Variants in WDR70 observed in about 807,000 individuals in gnomAD.
The protein encoded by WDR70 is WD repeat domain 70, also known as WD repeat-containing protein 70.
In WDR70, 53 loss-of-function variants were observed where a neutral mutation model predicts 88.6. The ratio of observed to expected loss-of-function variants is 0.60; its 90% confidence interval spans 0.48 to 0.75. The LOEUF is 0.75. Ranked by LOEUF, WDR70 falls within the 30% of genes least tolerant of loss-of-function variation. WDR70 has a pLI of 0.00. For missense variants in WDR70, 610 were observed against 823.2 expected, an observed-to-expected ratio of 0.74 and a Z score of 3.17; for synonymous variants, 280 against 270.0, an observed-to-expected ratio of 1.04 and a Z score of -0.36.
At chr5:37,492,982 ATCT>A (rs1343118145) in intron 8 of WDR70, among the ~76,000 whole-genome samples, 1 of 152,220 alleles carries the variant, frequency 6.6e-6, no homozygotes, top group Non-Finnish European at 1.5e-5. Context: ...TGCCTCACAG[ATCT>A]TCTTAACCAA....
intron 7 of WDR70, among the ~76,000 whole-genome samples, chr5:37,455,718 A>G (rs1738817165): frequency 9.4e-6 from 1 of 106,334 alleles, no homozygotes; most frequent in Non-Finnish European, 1.9e-5. Context: ...CTTTTAATGA[A>G]CTTTTTAAAA....
At chr5:37,403,010 G>A (rs1334448497) in intron 5 of WDR70, among the ~76,000 whole-genome samples, 3 of 128,276 alleles carry the variant, frequency 2.3e-5, no homozygotes, top group Non-Finnish European at 4.7e-5. Context: ...GCACTGGCAC[G>A]ATCTTGACTC....
intron 17 of WDR70, among the ~76,000 whole-genome samples, chr5:37,734,847 G>A (rs922101192): frequency 6.6e-6 from 1 of 152,060 alleles, no homozygotes; most frequent in African/African-American, 2.4e-5. Context: ...CTATGAATGG[G>A]ATGAATTATA....
intron 9 of WDR70, among the ~76,000 whole-genome samples, chr5:37,583,164 T>C (rs1743267639): frequency 6.6e-6 from 1 of 152,144 alleles, no homozygotes; most frequent in East Asian, 1.9e-4. Context: ...TGGTGGCTCA[T>C]GCCTGTAATC....
rs564629496 is a variant in WDR70 at position 37,501,709 on chromosome 5, C to CA, written c.841-14803dup. 5.3e-5 allele frequency among the ~76,000 whole-genome samples: 8 copies of CA among 152,134 alleles called. No homozygotes were observed. In the South Asian group the frequency reaches 1.7e-3, roughly 32 times the overall value. The stretch of plus-strand genomic sequence containing the variant: ...TTTATTGAATAGGGTGTTCTTTCTC[C>CA]AATTTATGTTTTGGTGTGCTTTGTC... On this transcript the variant is annotated intron_variant, in intron 8 of 17. Coordinates refer to ENST00000265107, the MANE Select transcript of WDR70 (RefSeq NM_018034.4).
At chr5:37,440,471 G>T (rs1207759906) in intron 6 of WDR70, among the ~76,000 whole-genome samples, 1 of 152,020 alleles carries the variant, frequency 6.6e-6, no homozygotes, top group Non-Finnish European at 1.5e-5. Context: ...TCAGCCTCCC[G>T]AGTAGCTGGG....
intron 8 of WDR70, among the ~76,000 whole-genome samples, chr5:37,508,718 T>A (rs1740633436): frequency 6.6e-6 from 1 of 152,204 alleles, no homozygotes; most frequent in Non-Finnish European, 1.5e-5. Flanking sequence ...GCTTTTATGT[T>A]GATGAGGGAT....
intron 9 of WDR70, among the ~76,000 whole-genome samples, chr5:37,568,212 T>G (rs78539694): frequency 6.6e-6 from 1 of 152,176 alleles, no homozygotes; most frequent in East Asian, 1.9e-4. Flanking sequence ...CTGTGAATTT[T>G]TTAGGAGAAT....
At chr5:37,666,296 T>C (rs1474501188) in intron 10 of WDR70, among the ~76,000 whole-genome samples, 1 of 152,130 alleles carries the variant, frequency 6.6e-6, no homozygotes, top group Non-Finnish European at 1.5e-5. Context: ...ACTTAGGAGT[T>C]AAAGATAAAG....
At chr5:37,504,147 T>C (rs1487780821) in intron 8 of WDR70, among the ~76,000 whole-genome samples, 1 of 152,204 alleles carries the variant, frequency 6.6e-6, no homozygotes, top group African/African-American at 2.4e-5. Context: ...GTCATATGAT[T>C]GATTAGTTAT....
At chr5:37,521,760 CTTG>C (rs1741101435) in intron 9 of WDR70, among the ~76,000 whole-genome samples, 1 of 150,892 alleles carries the variant, frequency 6.6e-6, no homozygotes, top group Non-Finnish European at 1.5e-5. Context: ...TCTTTATCAA[CTTG>C]TTGATTGATG....
At chr5:37,498,352 C>G (rs1387602291) in intron 8 of WDR70, among the ~76,000 whole-genome samples, 1 of 152,032 alleles carries the variant, frequency 6.6e-6, no homozygotes, top group Non-Finnish European at 1.5e-5. Context: ...CTGTATGTTC[C>G]TTTTCACTCT....
At chr5:37,423,438 G>A (rs923020491) in intron 5 of WDR70, among the ~76,000 whole-genome samples, 1 of 151,172 alleles carries the variant, frequency 6.6e-6, no homozygotes, top group African/African-American at 2.4e-5. Context: ...AGGATTTCTT[G>A]TATGATTTTC....
chr5:37,479,857 A>G lies in WDR70; in HGVS notation c.710A>G (p.Tyr237Cys), dbSNP rs1739608539. The stretch of plus-strand genomic sequence containing the variant: ...AGCCATCAGATCAAGTCATTACAGT[A>G]TAGTAACACAGGAGACATGATTCTT... Reference protein sequence around the residue: ...CECHQIKSLQYSNTGDMILVV... With the variant: ...CECHQIKSLQCSNTGDMILVV... Residue 237 changes from tyrosine (Y) to cysteine (C), a missense_variant, in exon 8 of 18, where the codon TAT (tyrosine) becomes TGT (cysteine). By Grantham distance (194) the Tyr-to-Cys change is radical. Transcript: ENST00000265107. The G allele has an allele frequency of 6.2e-7, 1 of 1,613,980 alleles. No homozygotes were observed. Among genetic ancestry groups the G allele is most frequent in the African/African-American group, 1.3e-5 (1 of 74,932 alleles).
chr5:37,738,036 A>AC (rs1748353712), intron 17 of WDR70, among the ~76,000 whole-genome samples: 3 of 151,618 alleles, frequency 2.0e-5, no homozygotes, highest in South Asian at 2.1e-4. Flanking sequence ...ATTTAAAAAA[A>AC]AAAAAAACAA....
At chr5:37,570,864 C>T (rs1742880475) in intron 9 of WDR70, among the ~76,000 whole-genome samples, 2 of 152,132 alleles carry the variant, frequency 1.3e-5, no homozygotes, top group African/African-American at 2.4e-5. Flanking sequence ...CTCAAATAGT[C>T]CCTCCTCTAT....
At position 37,548,977 on chromosome 5, in the gene WDR70, C is replaced by T. The variant is rs533007707; in HGVS notation, c.917+32387C>T. ...AGGTGTGTGGATTTGTTTCTGGATC[C>T]CCTATTCTGTTTTATCGGTCTGTGT... On this transcript the variant is annotated intron_variant, in intron 9 of 17. Coordinates refer to ENST00000265107, the MANE Select transcript of WDR70 (RefSeq NM_018034.4). Among the ~76,000 whole-genome samples, 29 of 152,128 alleles carry T rather than the reference C, an allele frequency of 1.9e-4. 1 individual carries two copies. In the South Asian group the frequency reaches 5.8e-3, roughly 31 times the overall value.
At chr5:37,480,120 CAT>C (rs1314926463) in intron 8 of WDR70, 133 bp downstream of exon 8, 3 of 1,150,710 alleles carry the variant, frequency 2.6e-6, no homozygotes, top group Non-Finnish European at 3.6e-6. Context: ...TTCTCACAAT[CAT>C]GTGGATTGAT....
chr5:37,419,483 T>C (rs28558891), intron 5 of WDR70, among the ~76,000 whole-genome samples: 20,256 of 150,602 alleles, frequency 0.13, 4,442 homozygotes, highest in African/African-American at 0.46. Context: ...GGATTACAGG[T>C]GTGAGCCACC....
Sources: allele counts gnomAD v4.1 joint callset (sites outside exome capture counted in the v4.1 genomes callset), GRCh38; gene constraint gnomAD v4.1.1; transcripts MANE v1.5; gene names NCBI Gene and HGNC (gene_info 2026-07-23, HGNC 2026-07-21).